Variants in NCALD observed in about 807,000 individuals in gnomAD.
NCALD encodes neurocalcin delta, also known as neurocalcin-delta.
A neutral mutation model predicts 18.6 loss-of-function variants in NCALD; 10 were observed. The observed-to-expected ratio is 0.54, with a 90% confidence interval of 0.33 to 0.91. NCALD has a LOEUF of 0.91. Ranked by LOEUF, NCALD falls within the 40% of genes least tolerant of loss-of-function variation. The pLI is 0.03. For missense variants in NCALD, 184 were observed against 247.6 expected (o/e 0.74, Z 1.72); for synonymous variants, 88 against 87.4 (o/e 1.01, Z -0.04).
At chr8:101,996,732 G>T (rs1440577896) in intron 2 of NCALD, among the ~76,000 whole-genome samples, 1 of 152,220 alleles carries the variant, frequency 6.6e-6, no homozygotes, top group African/African-American at 2.4e-5. Flanking sequence ...GACAACCATG[G>T]CAACTAACGG....
intron 3 of NCALD, among the ~76,000 whole-genome samples, chr8:101,896,478 C>G (rs1264972): frequency 6.6e-6 from 1 of 151,160 alleles, no homozygotes; most frequent in African/African-American, 2.4e-5. Flanking sequence ...GTCTAAAACA[C>G]CAAAAGCAAT....
At chr8:101,824,581 G>A (rs1176397268) in intron 4 of NCALD, among the ~76,000 whole-genome samples, 2 of 151,744 alleles carry the variant, frequency 1.3e-5, no homozygotes, top group African/African-American at 2.4e-5. Context: ...TCAACAATAA[G>A]ACAAGCTGAA....
chr8:102,009,274 A>G (rs763475339), intron 2 of NCALD, among the ~76,000 whole-genome samples: 11 of 152,266 alleles, frequency 7.2e-5, no homozygotes, highest in Non-Finnish European at 1.3e-4. Context: ...ATAAGATTGT[A>G]TAAAAAGCAA....
intron 1 of NCALD, among the ~76,000 whole-genome samples, chr8:101,747,924 G>C (rs1177407673): frequency 6.6e-6 from 1 of 152,038 alleles, no homozygotes; most frequent in Non-Finnish European, 1.5e-5. Context: ...CACCATGTTG[G>C]CCAGGCTGGT....
chr8:102,094,354 C>T (rs543440587), intron 1 of NCALD, among the ~76,000 whole-genome samples: 1 of 152,282 alleles, frequency 6.6e-6, no homozygotes, highest in African/African-American at 2.4e-5. Flanking sequence ...TTACGTGAAC[C>T]TCCCAATAGC....
intron 4 of NCALD, among the ~76,000 whole-genome samples, chr8:101,808,653 A>G (rs192976149): frequency 1.3e-5 from 2 of 152,282 alleles, no homozygotes; most frequent in Admixed American, 1.3e-4. Context: ...ACAAATAGGC[A>G]AACAAACTTG....
chr8:101,688,854 G>C lies in NCALD; in HGVS notation c.*455C>G, dbSNP rs921768895. On this transcript the variant is annotated 3_prime_UTR_variant, in exon 4 of 4. Coordinates refer to ENST00000220931, the MANE Select transcript of NCALD (RefSeq NM_032041.3). ...CACCCCAGAGGGTAACTTGTTCTTGGGGAATCCAGCATCCGGTGCCATCCA... is the reference window on the plus strand; with the variant it reads ...CACCCCAGAGGGTAACTTGTTCTTGCGGAATCCAGCATCCGGTGCCATCCA... 1 of 624,324 alleles carries C rather than the reference G, an allele frequency of 1.6e-6. No individual in the cohort carries two copies. Among genetic ancestry groups the C allele is most frequent in the Non-Finnish European group, 2.9e-6 (1 of 347,306 alleles). The allele number at this position is 624,324 out of a possible 1,614,324, so 38.7% of individuals were successfully genotyped here. A position where few individuals can be genotyped will look rare whatever the true frequency, so the allele number is the denominator to read the frequency against.
intron 2 of NCALD, among the ~76,000 whole-genome samples, chr8:101,985,046 C>T (rs748792622): frequency 8.5e-5 from 13 of 152,182 alleles, no homozygotes; most frequent in Admixed American, 3.9e-4. Context: ...ACCCTTATCC[C>T]TTAATCAAAG....
At chr8:102,095,965 C>T (rs1825079807) in intron 1 of NCALD, among the ~76,000 whole-genome samples, 1 of 152,126 alleles carries the variant, frequency 6.6e-6, no homozygotes, top group African/African-American at 2.4e-5. Context: ...TAGGAACATC[C>T]CAGGTTTAGC....
intron 4 of NCALD, among the ~76,000 whole-genome samples, chr8:101,829,327 C>A (rs1383834942): frequency 2.6e-5 from 4 of 152,140 alleles, no homozygotes; most frequent in African/African-American, 7.2e-5. Flanking sequence ...AAGGAACTTA[C>A]AAAGAACCTG....
intron 4 of NCALD, among the ~76,000 whole-genome samples, chr8:101,878,230 G>A (rs537517068): frequency 9.8e-5 from 15 of 152,336 alleles, no homozygotes; most frequent in African/African-American, 2.9e-4. Context: ...TTGAACCACT[G>A]AAAGTGAGAG....
chr8:101,769,703 T>A (rs117539033), intron 1 of NCALD, among the ~76,000 whole-genome samples: 2 of 152,116 alleles, frequency 1.3e-5, no homozygotes, highest in African/African-American at 4.8e-5. Context: ...CCAGCTCAAC[T>A]GTATGAAGGT....
chr8:102,045,077 C>A (rs1417508879), intron 1 of NCALD, among the ~76,000 whole-genome samples: 2 of 152,228 alleles, frequency 1.3e-5, no homozygotes, highest in Admixed American at 1.3e-4. Context: ...AAACCTATTT[C>A]TAAACCCAGG....
chr8:102,006,984 C>T (rs1438319673), intron 2 of NCALD, among the ~76,000 whole-genome samples: 2 of 152,120 alleles, frequency 1.3e-5, no homozygotes, highest in Non-Finnish European at 2.9e-5. Context: ...TGAGGTGTGC[C>T]CTGGCTTTGA....
At chr8:102,045,744 A>C (rs950849801) in intron 1 of NCALD, among the ~76,000 whole-genome samples, 20 of 152,204 alleles carry the variant, frequency 1.3e-4, no homozygotes, top group African/African-American at 4.8e-4. Context: ...TTTTCCCTTA[A>C]TACATGCAAT....
intron 3 of NCALD, among the ~76,000 whole-genome samples, chr8:101,898,212 C>G (rs940696404): frequency 3.2e-4 from 48 of 152,156 alleles, no homozygotes; most frequent in Non-Finnish European, 1.8e-4. Context: ...GGCATTATCA[C>G]TATTTTTATT....
At chr8:102,061,930 T>C (rs893666144) in intron 1 of NCALD, among the ~76,000 whole-genome samples, 1 of 152,352 alleles carries the variant, frequency 6.6e-6, no homozygotes, top group Admixed American at 6.5e-5. Context: ...TTTTCATCTA[T>C]TTTTATATTC....
At chr8:101,775,454 C>G (rs1379316750) in intron 1 of NCALD, among the ~76,000 whole-genome samples, 2 of 152,176 alleles carry the variant, frequency 1.3e-5, no homozygotes, top group Non-Finnish European at 2.9e-5. Context: ...TTTATAGAGG[C>G]AGATCCCAAG....
At chr8:102,057,230 C>T (rs967620649) in intron 1 of NCALD, among the ~76,000 whole-genome samples, 3 of 150,398 alleles carry the variant, frequency 2.0e-5, no homozygotes, top group African/African-American at 7.4e-5. Flanking sequence ...CTGCCTGGAA[C>T]ATTCTCCCTT....
Sources: allele counts gnomAD v4.1 joint callset (sites outside exome capture counted in the v4.1 genomes callset), GRCh38; gene constraint gnomAD v4.1.1; transcripts MANE v1.5; gene names NCBI Gene and HGNC (gene_info 2026-07-23, HGNC 2026-07-21).